Variants in FER1L6 observed in about 807,000 individuals in gnomAD.
FER1L6 encodes the protein fer-1 like family member 6.
A neutral mutation model predicts 219.2 loss-of-function variants in FER1L6; 177 were observed. That is an observed-to-expected ratio of 0.81 (90% CI 0.71 to 0.91). The LOEUF is 0.91. Ranked by LOEUF, FER1L6 falls within the 40% of genes least tolerant of loss-of-function variation. The pLI is 0.00. For missense variants in FER1L6, 2,153 were observed against 2,259.9 expected (o/e 0.95, Z 0.96); for synonymous variants, 768 against 824.3 (o/e 0.93, Z 1.17).
intron 1 of FER1L6, among the ~76,000 whole-genome samples, chr8:123,894,729 A>G (rs995292360): frequency 1.3e-5 from 2 of 152,110 alleles, no homozygotes; most frequent in South Asian, 2.1e-4. Flanking sequence ...TAGGGAAAGT[A>G]CAAGATGACC....
chr8:124,076,101 G>T (rs771704791), intron 31 of FER1L6, 97 bp from the exon 32 acceptor site: 96 of 1,478,584 alleles, frequency 6.5e-5, no homozygotes, highest in Non-Finnish European at 8.0e-5. Context: ...AGAGACAGAA[G>T]TCAGGCATTA....
At chr8:123,933,567 G>T (rs1201036221) in intron 1 of FER1L6, among the ~76,000 whole-genome samples, 2 of 152,218 alleles carry the variant, frequency 1.3e-5, no homozygotes, top group Non-Finnish European at 2.9e-5. Context: ...ACATGCACAG[G>T]TCTGAGTGTG....
At chr8:123,930,101 T>C (rs931301101) in intron 1 of FER1L6, among the ~76,000 whole-genome samples, 3 of 152,100 alleles carry the variant, frequency 2.0e-5, no homozygotes, top group Admixed American at 6.5e-5. Context: ...AAAGGTAACA[T>C]AGAAAAATAT....
intron 1 of FER1L6, among the ~76,000 whole-genome samples, chr8:123,874,968 G>T (rs1047195476): frequency 1.1e-4 from 17 of 152,160 alleles, no homozygotes; most frequent in African/African-American, 4.1e-4. Flanking sequence ...AGGCTGATGG[G>T]GGCAGATCAT....
intron 15 of FER1L6, 63 bp downstream of exon 15, chr8:124,013,594 C>G: frequency 1.8e-6 from 2 of 1,137,676 alleles, no homozygotes. Context: ...TTTTAATTAC[C>G]TTGAGAAAGT....
intron 2 of FER1L6, among the ~76,000 whole-genome samples, chr8:123,957,727 C>T (rs542407610): frequency 2.0e-5 from 3 of 152,216 alleles, no homozygotes; most frequent in Admixed American, 1.3e-4. Flanking sequence ...GAGAAGCTGG[C>T]GGATACCTAG....
chr8:123,993,039 C>A (rs903500007), intron 12 of FER1L6, among the ~76,000 whole-genome samples: 1 of 152,044 alleles, frequency 6.6e-6, no homozygotes, highest in Admixed American at 6.5e-5. Flanking sequence ...TAGTTTTATT[C>A]TGTGGTCTGA....
At chr8:123,918,391 C>T (rs1813253708) in intron 1 of FER1L6, among the ~76,000 whole-genome samples, 1 of 151,928 alleles carries the variant, frequency 6.6e-6, no homozygotes, top group African/African-American at 2.4e-5. Flanking sequence ...TTAATTAGTC[C>T]CCAGTTGATA....
At chr8:123,987,670 C>A (rs1816654834) in intron 12 of FER1L6, among the ~76,000 whole-genome samples, 2 of 152,116 alleles carry the variant, frequency 1.3e-5, no homozygotes, top group Admixed American at 6.5e-5. Context: ...AGATTTAAGT[C>A]TTTAATCCAT....
chr8:123,983,412 A>G (rs1816411838), intron 11 of FER1L6, among the ~76,000 whole-genome samples: 1 of 152,180 alleles, frequency 6.6e-6, no homozygotes, highest in African/African-American at 2.4e-5. Flanking sequence ...TCTTATTTAA[A>G]TGTCATCCTC....
intron 1 of FER1L6, among the ~76,000 whole-genome samples, chr8:123,922,521 C>G (rs1444909786): frequency 6.6e-6 from 1 of 152,118 alleles, no homozygotes; most frequent in African/African-American, 2.4e-5. Context: ...CCCCAGCAGC[C>G]CATCGTGAGG....
At chr8:123,869,298 C>T (rs749833917) in intron 1 of FER1L6, among the ~76,000 whole-genome samples, 8 of 152,164 alleles carry the variant, frequency 5.3e-5, no homozygotes, top group Admixed American at 3.3e-4. Context: ...ACCATTGCCT[C>T]GTATAGGTGA....
chr8:124,069,995 C>A (rs1338138735), intron 29 of FER1L6, among the ~76,000 whole-genome samples: 1 of 152,114 alleles, frequency 6.6e-6, no homozygotes, highest in African/African-American at 2.4e-5. Context: ...ACCTAAAACT[C>A]AACTCAATTT....
intron 32 of FER1L6, among the ~76,000 whole-genome samples, chr8:124,079,612 A>G (rs1450197604): frequency 6.6e-6 from 1 of 152,184 alleles, no homozygotes; most frequent in Non-Finnish European, 1.5e-5. Flanking sequence ...TTGGTGGCAC[A>G]CTATGTGCCA....
chr8:124,003,983 A>T (rs1236319752), intron 13 of FER1L6, among the ~76,000 whole-genome samples: 2 of 152,214 alleles, frequency 1.3e-5, no homozygotes, highest in Admixed American at 6.5e-5. Flanking sequence ...CAGAACTTAC[A>T]ATTTCAATCC....
intron 1 of FER1L6, among the ~76,000 whole-genome samples, chr8:123,940,094 G>T (rs1406756943): frequency 6.6e-6 from 1 of 152,130 alleles, no homozygotes; most frequent in Admixed American, 6.5e-5. Flanking sequence ...GCATCTAATA[G>T]GCACTCATTA....
chr8:123,909,449 GA>G (rs1451277548), intron 1 of FER1L6, among the ~76,000 whole-genome samples: 1 of 152,146 alleles, frequency 6.6e-6, no homozygotes, highest in Non-Finnish European at 1.5e-5. Flanking sequence ...AGGAAGGGAT[GA>G]AAAAGGTTGT....
At chr8:124,019,929 C>T (rs1255049283) in intron 16 of FER1L6, among the ~76,000 whole-genome samples, 1 of 151,872 alleles carries the variant, frequency 6.6e-6, no homozygotes, top group African/African-American at 2.4e-5. Flanking sequence ...CATGTAGAGT[C>T]TAGGAAGAAC....
chr8:124,092,636 T>C (rs530468108), intron 34 of FER1L6, among the ~76,000 whole-genome samples: 111 of 152,294 alleles, frequency 7.3e-4, no homozygotes, highest in African/African-American at 2.5e-3. Flanking sequence ...TGTTCTTGCA[T>C]TGCTGTGAAG....
Sources: allele counts gnomAD v4.1 joint callset (sites outside exome capture counted in the v4.1 genomes callset), GRCh38; gene constraint gnomAD v4.1.1; transcripts MANE v1.5; gene names NCBI Gene and HGNC (gene_info 2026-07-23, HGNC 2026-07-21).